GPHN: variants seen among roughly 807,000 people sequenced by gnomAD.
The protein encoded by GPHN is gephyrin.
GPHN carries 17 observed loss-of-function variants against 95.5 expected under a neutral mutation model. That is an observed-to-expected ratio of 0.18 (90% CI 0.12 to 0.27). The LOEUF is 0.27. Ranked by LOEUF, GPHN falls within the 10% of genes least tolerant of loss-of-function variation. The probability of loss-of-function intolerance (pLI) is 1.00; values close to 1 mark genes in which losing one functional copy is unlikely to be tolerated. For missense variants in GPHN, 660 were observed against 978.1 expected (o/e 0.67, Z 4.34); for synonymous variants, 320 against 322.5 (o/e 0.99, Z 0.08).
intron 1 of GPHN, among the ~76,000 whole-genome samples, chr14:66,534,464 T>C (rs1436936870): frequency 1.3e-5 from 2 of 152,218 alleles, no homozygotes; most frequent in African/African-American, 2.4e-5. Flanking sequence ...TGCTATGTAG[T>C]GTTTCATTGA....
chr14:67,663,748 T>C, the GPHN span, among the ~76,000 whole-genome samples: 1 of 152,160 alleles, frequency 6.6e-6, no homozygotes. Context: ...ATTATGAAGG[T>C]GGTACCAGAA....
the GPHN span, among the ~76,000 whole-genome samples, chr14:67,627,780 A>G: frequency 1.3e-5 from 2 of 151,756 alleles, no homozygotes; most frequent in South Asian, 2.1e-4. Flanking sequence ...ACATTTTTTA[A>G]GAGTCTATTT....
At chr14:67,628,151 T>C in the GPHN span, among the ~76,000 whole-genome samples, 1 of 152,220 alleles carries the variant, frequency 6.6e-6, no homozygotes, top group Non-Finnish European at 1.5e-5. Context: ...TCACCTGGAA[T>C]GTCACTAATA....
chr14:67,032,591 C>T (rs1010454244), intron 10 of GPHN, among the ~76,000 whole-genome samples: 6 of 152,118 alleles, frequency 3.9e-5, no homozygotes, highest in African/African-American at 7.2e-5. Flanking sequence ...ACAGCAGCAC[C>T]ACAGAGCCTC....
At chr14:67,592,757 A>G in the GPHN span, 1 of 1,181,518 alleles carries the variant, frequency 8.5e-7, no homozygotes. Context: ...TCTAAGTGAA[A>G]CTCATTTTGC....
chr14:67,709,774 T>A, the GPHN span, among the ~76,000 whole-genome samples: 1 of 152,210 alleles, frequency 6.6e-6, no homozygotes, highest in African/African-American at 2.4e-5. Context: ...ATGTCCTTTT[T>A]AGACCAAGGC....
At chr14:66,784,222 C>T (rs1298413747) in intron 3 of GPHN, among the ~76,000 whole-genome samples, 1 of 151,980 alleles carries the variant, frequency 6.6e-6, no homozygotes, top group African/African-American at 2.4e-5. Flanking sequence ...ATACCATCAC[C>T]AATATAGAAA....
At chr14:66,908,395 G>A (rs1336975498) in intron 5 of GPHN, among the ~76,000 whole-genome samples, 1 of 152,068 alleles carries the variant, frequency 6.6e-6, no homozygotes, top group Non-Finnish European at 1.5e-5. Context: ...GCAACAAGCA[G>A]TATCTTATTA....
the GPHN span, among the ~76,000 whole-genome samples, chr14:67,572,653 C>G: frequency 0.025 from 3,816 of 152,252 alleles, 160 homozygotes; most frequent in East Asian, 0.12. Flanking sequence ...CAGGCATTGT[C>G]TCATTTGTCC....
rs191577052 is a variant in GPHN at position 66,713,136 on chromosome 14, A to G, written c.143+31951A>G. 7.3e-4 allele frequency among the ~76,000 whole-genome samples: 111 copies of G among 152,230 alleles called. 1 individual carries two copies. The highest frequency in any genetic ancestry group is 2.2e-3 in the Admixed American group (33 of 15,292). On this transcript the variant is annotated intron_variant, in intron 2 of 22. Coordinates refer to ENST00000478722, the MANE Select transcript of GPHN (RefSeq NM_020806.5). The stretch of plus-strand genomic sequence containing the variant: ...TACTCTGCTGACTGTTCCTTTTGCC[A>G]TGCAAAAGCTCTTTACCAGCTATGT...
Position 66,965,284 on chromosome 14 carries a change from G to T in GPHN, c.922G>T (p.Ala308Ser), listed in dbSNP as rs2069243517. Residue 308 changes from alanine (A) to serine (S), a missense_variant, in exon 9 of 23, where the codon GCT becomes TCT. Physicochemically the swap from Ala to Ser is moderately conservative, Grantham distance 99. Transcript: ENST00000478722. ...TTPSESPRAQ[A>S]TSRLSTASCP... is the part of the protein sequence containing the mutation. ...TCCTTCAGAATCGCCTCGTGCTCAG[G>T]CTACATCTCGCCTCTCTACAGCTTC... 1 of 1,613,502 alleles carries T rather than the reference G, an allele frequency of 6.2e-7. No individual in the cohort carries two copies. The highest frequency in any genetic ancestry group is 8.5e-7 in the Non-Finnish European group (1 of 1,179,718).
At chr14:67,583,853 A>G in the GPHN span, 3 of 1,613,674 alleles carry the variant, frequency 1.9e-6, no homozygotes, top group African/African-American at 1.3e-5. Context: ...CCCAGGCGCT[A>G]TAGACATGGG....
chr14:67,045,745 C>T (rs1263614208), intron 10 of GPHN, among the ~76,000 whole-genome samples: 1 of 151,520 alleles, frequency 6.6e-6, no homozygotes, highest in African/African-American at 2.4e-5. Flanking sequence ...CTCTGTCCAT[C>T]TCTCTGTCTC....
chr14:67,701,253 A>C, the GPHN span, among the ~76,000 whole-genome samples: 1 of 151,926 alleles, frequency 6.6e-6, no homozygotes, highest in South Asian at 2.1e-4. Context: ...TAGAATTTAA[A>C]ATCAAAAGCT....
the GPHN span, among the ~76,000 whole-genome samples, chr14:67,630,197 C>T: frequency 2.4e-4 from 36 of 152,276 alleles, 1 homozygote; most frequent in African/African-American, 5.3e-4. Context: ...AAAGTAATTG[C>T]GGTTTTTGCT....
the GPHN span, chr14:67,580,833 C>G: frequency 1.4e-6 from 1 of 726,590 alleles, no homozygotes; most frequent in Admixed American, 2.4e-5. Flanking sequence ...AGGACTTTTC[C>G]TTAGTTTTCT....
At chr14:66,574,994 A>C (rs554414062) in intron 1 of GPHN, among the ~76,000 whole-genome samples, 2 of 152,330 alleles carry the variant, frequency 1.3e-5, no homozygotes, top group East Asian at 3.9e-4. Flanking sequence ...TTCAGCCTCC[A>C]TAATTACATG....
chr14:67,445,577 CTT>C, the GPHN span, among the ~76,000 whole-genome samples: 249 of 59,904 alleles, frequency 4.2e-3, 5 homozygotes, highest in African/African-American at 0.014. Context: ...AGAGGCAATT[CTT>C]TTTTTTTTTT....
rs1451269461 is a variant in GPHN at position 66,851,552 on chromosome 14, C to T, written c.294+26986C>T. Among the ~76,000 whole-genome samples the T allele has an allele frequency of 2.0e-5, 3 of 151,944 alleles. No homozygotes were observed. In the East Asian group the frequency reaches 5.8e-4, roughly 29 times the overall value. ...ATTCTCATAACTATATTGTATAATA[C>T]AGCTATATTTATTAACCCATTCTAC... On this transcript the variant is annotated intron_variant, in intron 4 of 22. Coordinates refer to ENST00000478722, the MANE Select transcript of GPHN (RefSeq NM_020806.5).
Sources: allele counts gnomAD v4.1 joint callset (sites outside exome capture counted in the v4.1 genomes callset), GRCh38; gene constraint gnomAD v4.1.1; transcripts MANE v1.5; gene names NCBI Gene and HGNC (gene_info 2026-07-23, HGNC 2026-07-21).